ERCC6L2: variants seen among roughly 807,000 people sequenced by gnomAD.
The protein encoded by ERCC6L2 is DNA excision repair protein ERCC-6-like 2.
A neutral mutation model predicts 132.0 loss-of-function variants in ERCC6L2; 77 were observed. The ratio of observed to expected loss-of-function variants is 0.58; its 90% CI spans 0.49 to 0.71. The LOEUF is 0.71. Ranked by LOEUF, ERCC6L2 falls within the 30% of genes least tolerant of loss-of-function variation. ERCC6L2 has a pLI of 0.00. For missense variants in ERCC6L2, 1,542 were observed against 1,837.6 expected (o/e 0.84, Z 2.94); for synonymous variants, 583 against 632.4 (o/e 0.92, Z 1.17).
intron 2 of ERCC6L2, among the ~76,000 whole-genome samples, chr9:95,881,518 G>A (rs532344304): frequency 2.0e-5 from 3 of 152,186 alleles, no homozygotes; most frequent in African/African-American, 7.2e-5. Flanking sequence ...CCAAAATAAT[G>A]TTTTGGTACC....
At chr9:95,930,155 T>G (rs1830273812) in intron 11 of ERCC6L2, among the ~76,000 whole-genome samples, 1 of 152,102 alleles carries the variant, frequency 6.6e-6, no homozygotes. Flanking sequence ...TTTGGTCATT[T>G]TTTTTCTTTT....
Position 95,972,563 on chromosome 9 carries a change from A to AGTG in ERCC6L2, c.2812_2813insGTG (p.Lys938delinsSerGlu). ...GGATTCTGAAACAGAACACACTGTAAAAACAAGAAATAATGATAATAGTCG... is the reference window on the plus strand; with the variant it reads ...GGATTCTGAAACAGAACACACTGTAAGTGAAACAAGAAATAATGATAATAGTCG... On this transcript the variant is annotated protein_altering_variant, in exon 16 of 19. Coordinates refer to ENST00000653738, the MANE Select transcript of ERCC6L2 (RefSeq NM_020207.7). 7.8e-7 allele frequency: 1 copy of AGTG among 1,289,672 alleles called. No homozygotes were observed. The highest frequency in any genetic ancestry group is 1.0e-6 in the Non-Finnish European group (1 of 988,822). The allele number at this position is 1,289,672 out of a possible 1,614,324, so 79.9% of individuals were successfully genotyped here.
intron 12 of ERCC6L2, among the ~76,000 whole-genome samples, chr9:95,947,034 A>G (rs1831097512): frequency 6.6e-6 from 1 of 152,192 alleles, no homozygotes; most frequent in South Asian, 2.1e-4. Flanking sequence ...GTAACTCTGC[A>G]GTGGCCTTTA....
chr9:95,905,706 A>G (rs188632046), intron 3 of ERCC6L2, among the ~76,000 whole-genome samples: 121 of 152,172 alleles, frequency 8.0e-4, no homozygotes, highest in Admixed American at 1.1e-3. Context: ...GGAAAAAGGA[A>G]CTCTCACGTT....
At chr9:95,922,748 C>A (rs1301271735) in intron 8 of ERCC6L2, among the ~76,000 whole-genome samples, 1 of 152,008 alleles carries the variant, frequency 6.6e-6, no homozygotes, top group Admixed American at 6.6e-5. Context: ...GGTATTTAAT[C>A]TACTGGGTAA....
chr9:96,025,506 G>A (rs1238804528), intron 19 of ERCC6L2, among the ~76,000 whole-genome samples: 4 of 152,156 alleles, frequency 2.6e-5, no homozygotes, highest in Non-Finnish European at 5.9e-5. Context: ...GTAGATGGGT[G>A]GTCTGAGTTT....
At chr9:96,028,767 G>A (rs941713620) in intron 19 of ERCC6L2, among the ~76,000 whole-genome samples, 2 of 152,178 alleles carry the variant, frequency 1.3e-5, no homozygotes, top group African/African-American at 4.8e-5. Flanking sequence ...AGTCAGTGAA[G>A]GGATTACCAT....
intron 11 of ERCC6L2, among the ~76,000 whole-genome samples, chr9:95,934,764 A>C (rs1830484314): frequency 6.6e-6 from 1 of 152,212 alleles, no homozygotes; most frequent in Non-Finnish European, 1.5e-5. Flanking sequence ...CTGCAAAAGT[A>C]AAATTTTCCA....
At chr9:95,924,298 G>A (rs1294126514) in intron 9 of ERCC6L2, among the ~76,000 whole-genome samples, 1 of 151,092 alleles carries the variant, frequency 6.6e-6, no homozygotes, top group Non-Finnish European at 1.5e-5. Flanking sequence ...TAAAATAGAA[G>A]GTAGGAATAT....
At position 96,018,332 on chromosome 9, in the gene ERCC6L2, A is replaced by T. The variant is rs912999240; in HGVS notation, c.*5129A>T. Among the ~76,000 whole-genome samples the T allele has an allele frequency of 2.6e-5, 4 of 152,334 alleles. No individual in the cohort carries two copies. Among genetic ancestry groups the T allele is most frequent in the African/African-American group, 9.6e-5 (4 of 41,572 alleles). ...TATATACCAAATTTTGATGTATGTGAGATTGCTGACTATATTTTACTTATC... is the reference window on the plus strand; with the variant it reads ...TATATACCAAATTTTGATGTATGTGTGATTGCTGACTATATTTTACTTATC... On this transcript the variant is annotated 3_prime_UTR_variant, in exon 19 of 19. Coordinates refer to ENST00000653738, the MANE Select transcript of ERCC6L2 (RefSeq NM_020207.7).
intron 18 of ERCC6L2, among the ~76,000 whole-genome samples, chr9:96,009,396 A>C (rs903996689): frequency 6.6e-6 from 1 of 152,174 alleles, no homozygotes; most frequent in South Asian, 2.1e-4. Flanking sequence ...ACCTCCCTCT[A>C]CTGCAGTCAC....
chr9:95,913,367 G>A (rs1190204150), intron 4 of ERCC6L2, among the ~76,000 whole-genome samples: 1 of 152,044 alleles, frequency 6.6e-6, no homozygotes, highest in African/African-American at 2.4e-5. Flanking sequence ...TTTCTTTAAT[G>A]ACTAATTTTT....
At chr9:95,899,189 C>T (rs1322500742) in intron 3 of ERCC6L2, among the ~76,000 whole-genome samples, 2 of 152,168 alleles carry the variant, frequency 1.3e-5, no homozygotes, top group African/African-American at 4.8e-5. Context: ...GTGATTCATG[C>T]CTGTAATCCC....
chr9:96,032,564 C>T (rs976920832), intron 19 of ERCC6L2, among the ~76,000 whole-genome samples: 2 of 152,206 alleles, frequency 1.3e-5, no homozygotes, highest in Admixed American at 1.3e-4. Context: ...ACACAGCCTC[C>T]GCTTTGGTGG....
At chr9:96,002,822 G>T (rs982739056) in intron 17 of ERCC6L2, among the ~76,000 whole-genome samples, 2 of 152,068 alleles carry the variant, frequency 1.3e-5, no homozygotes, top group African/African-American at 4.8e-5. Context: ...ACAAAATGCA[G>T]GTTTATTTTC....
intron 4 of ERCC6L2, among the ~76,000 whole-genome samples, chr9:95,913,824 G>A (rs760254592): frequency 6.6e-5 from 10 of 152,136 alleles, no homozygotes; most frequent in Non-Finnish European, 1.3e-4. Context: ...CCATATTGTA[G>A]CACATTTCAG....
rs2133224902 is a variant in ERCC6L2, at chr9:96,012,332, A to G, written c.3782A>G (p.Asp1261Gly). 3 of 1,359,392 alleles carry G rather than the reference A, an allele frequency of 2.2e-6. No homozygotes were observed. The South Asian group carries it at 3.4e-5, about 16-fold the overall frequency. The allele number at this position is 1,359,392 out of a possible 1,614,324, so 84.2% of individuals were successfully genotyped here. A position where few individuals can be genotyped will look rare whatever the true frequency, so the allele number is the denominator to read the frequency against. Residue 1261 changes from aspartate to glycine, a missense_variant, in exon 19 of 19, where the codon GAC (aspartate) becomes GGC (glycine). Physicochemically the swap from Asp to Gly is moderately conservative, Grantham distance 94. Coordinates refer to ENST00000653738, the MANE Select transcript of ERCC6L2 (RefSeq NM_020207.7). Reference sequence around the variant, plus strand: ...GAAGAACGACAGAAAATGCTAAGAGACTTTTATGCTTCTCAATATCCAGAG... The same window carrying G: ...GAAGAACGACAGAAAATGCTAAGAGGCTTTTATGCTTCTCAATATCCAGAG... Reference protein sequence around the residue: ...TSEERQKMLRDFYASQYPEVK... With the variant: ...TSEERQKMLRGFYASQYPEVK...
chr9:95,992,512 A>G (rs1442380806), intron 17 of ERCC6L2, among the ~76,000 whole-genome samples: 2 of 152,260 alleles, frequency 1.3e-5, no homozygotes, highest in Non-Finnish European at 2.9e-5. Flanking sequence ...AGAATAGAAG[A>G]GAGTAAAGAT....
intron 17 of ERCC6L2, among the ~76,000 whole-genome samples, chr9:96,000,228 T>C (rs746185880): frequency 6.6e-6 from 1 of 152,190 alleles, no homozygotes; most frequent in South Asian, 2.1e-4. Context: ...GAAAGTACTT[T>C]TAACATTACT....
Sources: allele counts gnomAD v4.1 joint callset (sites outside exome capture counted in the v4.1 genomes callset), GRCh38; gene constraint gnomAD v4.1.1; transcripts MANE v1.5; gene names NCBI Gene and HGNC (gene_info 2026-07-23, HGNC 2026-07-21).